The following CSTA variants were observed in gnomAD, a reference collection of about 807,000 sequenced individuals.
CSTA encodes the protein cystatin-A.
In CSTA, 9 loss-of-function variants were observed where a neutral mutation model predicts 9.2. That is an observed-to-expected ratio of 0.97 (90% CI 0.59 to 1.70). The LOEUF (loss-of-function observed/expected upper bound fraction) is 1.70, where lower values mean the gene tolerates loss of function less well. Ranked by LOEUF, CSTA falls within the 40% of genes most tolerant of loss-of-function variation. CSTA has a pLI of 0.00. For missense variants in CSTA, 118 were observed against 113.1 expected (o/e 1.04, Z -0.20); for synonymous variants, 36 against 40.6 (o/e 0.89, Z 0.43).
At chr3:122,338,576 T>C (rs553017329) in intron 2 of CSTA, among the ~76,000 whole-genome samples, 1 of 151,542 alleles carries the variant, frequency 6.6e-6, no homozygotes, top group East Asian at 1.9e-4. Context: ...CAGAGCTATG[T>C]ACACAGATCA....
At chr3:122,337,089 A>G (rs1297702031) in intron 1 of CSTA, among the ~76,000 whole-genome samples, 3 of 152,234 alleles carry the variant, frequency 2.0e-5, no homozygotes, top group Non-Finnish European at 4.4e-5. Flanking sequence ...GTATTATACC[A>G]TGTTAATTTC....
intron 1 of CSTA, among the ~76,000 whole-genome samples, chr3:122,326,716 A>G (rs2075172372): frequency 6.6e-6 from 1 of 152,218 alleles, no homozygotes; most frequent in Non-Finnish European, 1.5e-5. Flanking sequence ...TAATGTCTTC[A>G]TGTGAATCCC....
intron 1 of CSTA, among the ~76,000 whole-genome samples, chr3:122,327,528 CAAAAA>C (rs59568582): frequency 9.1e-5 from 4 of 44,108 alleles, no homozygotes; most frequent in Non-Finnish European, 1.7e-4. Flanking sequence ...GACTCCGTCT[CAAAAA>C]AAAAAAAAAA....
At chr3:122,335,879 G>A (rs1048998277) in intron 1 of CSTA, among the ~76,000 whole-genome samples, 10 of 151,350 alleles carry the variant, frequency 6.6e-5, no homozygotes, top group Non-Finnish European at 1.3e-4. Context: ...TGATCCACCC[G>A]CCTCTGCCTC....
intron 1 of CSTA, among the ~76,000 whole-genome samples, chr3:122,333,640 G>A (rs28420437): frequency 2.9e-5 from 4 of 139,582 alleles, no homozygotes; most frequent in African/African-American, 1.1e-4. Context: ...AAGGAAGGAA[G>A]GAAAAGGAAA....
chr3:122,333,156 T>A (rs1178595770), intron 1 of CSTA, among the ~76,000 whole-genome samples: 1 of 152,208 alleles, frequency 6.6e-6, no homozygotes, highest in Admixed American at 6.5e-5. Context: ...TCTGCATTTG[T>A]GGATTACACA....
chr3:122,336,402 TG>T lies in CSTA; in HGVS notation c.67-1144del, dbSNP rs530921993. Among the ~76,000 whole-genome samples, 302 of 152,242 alleles carry T rather than the reference TG, an allele frequency of 2.0e-3. 1 individual carries two copies. Among genetic ancestry groups the T allele is most frequent in the Middle Eastern group, 0.01 (3 of 294 alleles). On this transcript the variant is annotated intron_variant, in intron 1 of 2. Coordinates refer to ENST00000264474, the MANE Select transcript of CSTA (RefSeq NM_005213.4). ...TCCCAACGGCCAAATCTAGGGCATT[TG>T]AGTAACAAAATAGAGTAATGAATTG...
intron 1 of CSTA, among the ~76,000 whole-genome samples, chr3:122,334,076 T>C (rs1240627578): frequency 6.6e-6 from 1 of 152,222 alleles, no homozygotes; most frequent in Non-Finnish European, 1.5e-5. Context: ...ATAACCTGTT[T>C]CCTTACTCTA....
intron 1 of CSTA, among the ~76,000 whole-genome samples, chr3:122,336,383 C>T (rs1238982710): frequency 2.6e-5 from 4 of 152,080 alleles, no homozygotes; most frequent in Non-Finnish European, 2.9e-5. Context: ...GAGCTCCCAA[C>T]GGCCAAATCT....
intron 1 of CSTA, among the ~76,000 whole-genome samples, chr3:122,327,218 A>G (rs2075175740): frequency 6.7e-6 from 1 of 148,872 alleles, no homozygotes; most frequent in Non-Finnish European, 1.5e-5. Context: ...TCTGGGCAAC[A>G]GAGCAAGACT....
At chr3:122,339,621 G>A (rs2075254537) in intron 2 of CSTA, among the ~76,000 whole-genome samples, 1 of 152,198 alleles carries the variant, frequency 6.6e-6, no homozygotes, top group Admixed American at 6.5e-5. Context: ...GGGAGGCCAA[G>A]GTGGGAGGAT....
intron 2 of CSTA, among the ~76,000 whole-genome samples, chr3:122,340,839 A>G (rs148356877): frequency 3.5e-4 from 54 of 152,324 alleles, no homozygotes; most frequent in African/African-American, 1.2e-3. Flanking sequence ...TTCTTGCTCC[A>G]TGCATCTTTG....
intron 1 of CSTA, among the ~76,000 whole-genome samples, chr3:122,326,294 G>A (rs557494169): frequency 6.6e-6 from 1 of 152,286 alleles, no homozygotes; most frequent in Middle Eastern, 3.4e-3. Flanking sequence ...GCTTCCCAAA[G>A]TATTGGGATT....
At chr3:122,339,569 C>A (rs1036358156) in intron 2 of CSTA, among the ~76,000 whole-genome samples, 1 of 152,194 alleles carries the variant, frequency 6.6e-6, no homozygotes, top group African/African-American at 2.4e-5. Flanking sequence ...CAAGGTTACA[C>A]TGGCCTGGTG....
chr3:122,340,433 T>C (rs2075259747), intron 2 of CSTA, among the ~76,000 whole-genome samples: 1 of 152,170 alleles, frequency 6.6e-6, no homozygotes. Context: ...GCCTCCCAAG[T>C]AGCTGGGATT....
intron 1 of CSTA, among the ~76,000 whole-genome samples, chr3:122,327,528 CAAAAAA>C (rs59568582): frequency 4.5e-5 from 2 of 44,092 alleles, no homozygotes; most frequent in East Asian, 5.3e-4. Flanking sequence ...GACTCCGTCT[CAAAAAA>C]AAAAAAAAAA....
Position 122,335,405 on chromosome 3 carries a change from C to T in CSTA, c.67-2142C>T, listed in dbSNP as rs535222256. Among the ~76,000 whole-genome samples the T allele has an allele frequency of 3.3e-5, 5 of 152,214 alleles. No homozygotes were observed. In the South Asian group the frequency reaches 1.0e-3, roughly 32 times the overall value. On this transcript the variant is annotated intron_variant, in intron 1 of 2. Coordinates refer to ENST00000264474, the MANE Select transcript of CSTA (RefSeq NM_005213.4). ...ACAGGGTCTTTATAAGAATTATACC[C>T]AAATACTGCACTCTAGTTAGTATAT...
At chr3:122,335,931 C>T (rs998279683) in intron 1 of CSTA, among the ~76,000 whole-genome samples, 54 of 150,752 alleles carry the variant, frequency 3.6e-4, no homozygotes, top group Middle Eastern at 6.8e-3. Flanking sequence ...CACACCCGGC[C>T]GTGGTATTTG....
chr3:122,330,572 A>G (rs1211646577), intron 1 of CSTA, among the ~76,000 whole-genome samples: 1 of 152,236 alleles, frequency 6.6e-6, no homozygotes, highest in Non-Finnish European at 1.5e-5. Flanking sequence ...CCCATTCTGA[A>G]GATAACAGAG....
Sources: allele counts gnomAD v4.1 joint callset (sites outside exome capture counted in the v4.1 genomes callset), GRCh38; gene constraint gnomAD v4.1.1; transcripts MANE v1.5; gene names NCBI Gene and HGNC (gene_info 2026-07-23, HGNC 2026-07-21).